CSMD1: variants seen among roughly 807,000 people sequenced by gnomAD.
The protein encoded by CSMD1 is CUB and sushi domain-containing protein 1.
Under a neutral mutation model 417.5 loss-of-function variants are expected in CSMD1, and 213 were observed. The ratio of observed to expected loss-of-function variants is 0.51; its 90% CI spans 0.46 to 0.57. The LOEUF (loss-of-function observed/expected upper bound fraction) is 0.57. Ranked by LOEUF, CSMD1 falls within the 20% of genes least tolerant of loss-of-function variation. The pLI, the probability that CSMD1 is intolerant of heterozygous loss-of-function variation, is 0.00. For missense variants in CSMD1, 6,923 were observed against 4,529.7 expected, an observed-to-expected ratio of 1.53 and a Z score of -15.17; for synonymous variants, 2,862 against 1,736.8, an observed-to-expected ratio of 1.65 and a Z score of -16.11.
chr8:4,288,599 G>A (rs984305817), intron 3 of CSMD1, among the ~76,000 whole-genome samples: 1 of 152,170 alleles, frequency 6.6e-6, no homozygotes, highest in Non-Finnish European at 1.5e-5. Context: ...TGCAGCTGGA[G>A]TTCCTGCCAC....
At chr8:3,507,357 G>A (rs1228612901) in intron 10 of CSMD1, among the ~76,000 whole-genome samples, 3 of 152,134 alleles carry the variant, frequency 2.0e-5, no homozygotes, top group African/African-American at 7.2e-5. Flanking sequence ...TGGCAGCACA[G>A]TATTACATGA....
At chr8:4,753,728 C>T (rs1385753635) in intron 1 of CSMD1, among the ~76,000 whole-genome samples, 4 of 152,204 alleles carry the variant, frequency 2.6e-5, no homozygotes, top group African/African-American at 9.7e-5. Context: ...ACCTTCAAGG[C>T]AGAGCTCAAG....
At chr8:3,871,417 C>T (rs1027010247) in intron 5 of CSMD1, among the ~76,000 whole-genome samples, 1 of 151,910 alleles carries the variant, frequency 6.6e-6, no homozygotes, top group Non-Finnish European at 1.5e-5. Context: ...GCATTATTTT[C>T]CTTTAACATG....
chr8:4,045,129 G>A (rs933243529), intron 3 of CSMD1, among the ~76,000 whole-genome samples: 14 of 152,156 alleles, frequency 9.2e-5, no homozygotes, highest in African/African-American at 2.9e-4. Flanking sequence ...GTCACCACCT[G>A]TGCCCTCCCA....
intron 1 of CSMD1, among the ~76,000 whole-genome samples, chr8:4,810,482 G>C (rs902968435): frequency 1.3e-5 from 2 of 152,104 alleles, no homozygotes; most frequent in Non-Finnish European, 2.9e-5. Flanking sequence ...AGTCATGTTT[G>C]ATGTTATTAT....
intron 18 of CSMD1, chr8:3,373,491 C>G (rs866661211): frequency 9.2e-5 from 14 of 152,274 alleles, no homozygotes; most frequent in Middle Eastern, 6.8e-3. Context: ...TAATATTTTT[C>G]AGGAGAAGGA....
chr8:4,035,820 A>G (rs1797586592), intron 3 of CSMD1, among the ~76,000 whole-genome samples: 1 of 152,172 alleles, frequency 6.6e-6, no homozygotes, highest in African/African-American at 2.4e-5. Flanking sequence ...TTATACATTT[A>G]GTGTACTCTA....
chr8:3,154,783 T>C (rs1194409727), intron 39 of CSMD1, among the ~76,000 whole-genome samples: 4 of 152,132 alleles, frequency 2.6e-5, no homozygotes, highest in Non-Finnish European at 4.4e-5. Context: ...AGAGAAGTGG[T>C]TTTATATACA....
At chr8:4,009,361 C>A (rs947389232) in intron 4 of CSMD1, among the ~76,000 whole-genome samples, 2 of 152,148 alleles carry the variant, frequency 1.3e-5, no homozygotes, top group African/African-American at 4.8e-5. Flanking sequence ...ATTTAAAATA[C>A]AGAATAGAAC....
intron 5 of CSMD1, among the ~76,000 whole-genome samples, chr8:3,950,222 C>T (rs1470120524): frequency 6.6e-6 from 1 of 152,164 alleles, no homozygotes; most frequent in African/African-American, 2.4e-5. Flanking sequence ...AGTTTCTCAT[C>T]ATGCAGTGGA....
At chr8:4,121,276 A>C (rs1802473510) in intron 3 of CSMD1, among the ~76,000 whole-genome samples, 1 of 151,784 alleles carries the variant, frequency 6.6e-6, no homozygotes, top group Non-Finnish European at 1.5e-5. Flanking sequence ...CACCACACCC[A>C]GCTCGTTTTT....
At chr8:4,025,537 C>G (rs1201222594) in intron 4 of CSMD1, among the ~76,000 whole-genome samples, 1 of 152,178 alleles carries the variant, frequency 6.6e-6, no homozygotes, top group Non-Finnish European at 1.5e-5. Context: ...TGCTTCTTCT[C>G]TTTTTTCATA....
chr8:3,853,804 G>C (rs1026445503), intron 5 of CSMD1, among the ~76,000 whole-genome samples: 9 of 150,836 alleles, frequency 6.0e-5, no homozygotes, highest in African/African-American at 2.2e-4. Context: ...CACCAACATG[G>C]CACATGTATA....
chr8:4,903,400 A>C (rs1231068018), intron 1 of CSMD1, among the ~76,000 whole-genome samples: 2 of 152,178 alleles, frequency 1.3e-5, no homozygotes, highest in African/African-American at 2.4e-5. Flanking sequence ...CTTTAAAACG[A>C]AGTCCAAGCA....
chr8:3,694,283 C>G (rs75548822), intron 7 of CSMD1, among the ~76,000 whole-genome samples: 1 of 152,048 alleles, frequency 6.6e-6, no homozygotes, highest in Non-Finnish European at 1.5e-5. Flanking sequence ...GGGGTCCACA[C>G]CTCACTTCCT....
rs923593473 is a variant in CSMD1, at chr8:4,739,920, G to T, written c.86-102362C>A. Among the ~76,000 whole-genome samples, 6 of 152,158 alleles carry T rather than the reference G, an allele frequency of 3.9e-5. 1 individual carries two copies. The highest frequency in any genetic ancestry group is 3.9e-4 in the Admixed American group (6 of 15,286). On this transcript the variant is annotated intron_variant, in intron 1 of 69. Coordinates refer to ENST00000635120, the MANE Select transcript of CSMD1 (RefSeq NM_033225.6). ...CCGTTTCTCCACCCTCCCTTCTTCA[G>T]TTGCTCTCTGCAGCAACTTAAGCTC... is the stretch of plus-strand genomic sequence containing the variant.
intron 1 of CSMD1, among the ~76,000 whole-genome samples, chr8:4,901,174 C>G (rs1013979792): frequency 6.6e-6 from 1 of 152,132 alleles, no homozygotes; most frequent in Non-Finnish European, 1.5e-5. Context: ...TTTTCTTAAA[C>G]CAAAAGTTAG....
intron 1 of CSMD1, among the ~76,000 whole-genome samples, chr8:4,960,786 G>A (rs1398606651): frequency 2.0e-5 from 3 of 152,060 alleles, no homozygotes; most frequent in Non-Finnish European, 2.9e-5. Context: ...AGCAAGAACA[G>A]ATGATCATCT....
intron 3 of CSMD1, among the ~76,000 whole-genome samples, chr8:4,159,655 C>G (rs541188397): frequency 6.6e-6 from 1 of 152,248 alleles, no homozygotes; most frequent in Admixed American, 6.5e-5. Context: ...GTGGCGCGAT[C>G]TCGGCTCACT....
Sources: allele counts gnomAD v4.1 joint callset (sites outside exome capture counted in the v4.1 genomes callset), GRCh38; gene constraint gnomAD v4.1.1; transcripts MANE v1.5; gene names NCBI Gene and HGNC (gene_info 2026-07-23, HGNC 2026-07-21).